The following TMED7 variants were observed in gnomAD, a reference collection of about 807,000 sequenced individuals.
The protein encoded by TMED7 is transmembrane p24 trafficking protein 7, also known as transmembrane emp24 domain-containing protein 7.
In TMED7, 8 loss-of-function variants were observed where a neutral mutation model predicts 23.4. The observed-to-expected ratio is 0.34, with a 90% CI of 0.20 to 0.62. The LOEUF (loss-of-function observed/expected upper bound fraction) is 0.62, where lower values mean the gene tolerates loss of function less well. Ranked by LOEUF, TMED7 falls within the 20% of genes least tolerant of loss-of-function variation. The pLI is 0.77. For missense variants in TMED7, 232 were observed against 279.1 expected, an observed-to-expected ratio of 0.83 and a Z score of 1.20; for synonymous variants, 121 against 108.5, an observed-to-expected ratio of 1.12 and a Z score of -0.72.
intron 1 of TMED7, among the ~76,000 whole-genome samples, chr5:115,622,175 T>A (rs1168745673): frequency 1.3e-5 from 2 of 152,212 alleles, no homozygotes; most frequent in Non-Finnish European, 2.9e-5. Flanking sequence ...GTATTCTGAA[T>A]AATCAAACAC....
intron 1 of TMED7, among the ~76,000 whole-genome samples, chr5:115,621,844 T>C (rs1288205288): frequency 6.6e-6 from 1 of 152,196 alleles, no homozygotes; most frequent in Non-Finnish European, 1.5e-5. Context: ...TTTTCAACCT[T>C]GAACTCTCTT....
chr5:115,619,675 G>A (rs1205054402), intron 2 of TMED7, among the ~76,000 whole-genome samples: 1 of 151,984 alleles, frequency 6.6e-6, no homozygotes, highest in Admixed American at 6.6e-5. Flanking sequence ...CAGCCTTAAG[G>A]CAACTGTATA....
rs1006013286 is a variant in TMED7, at chr5:115,614,965, A to G, written c.*1244T>C. The G allele has an allele frequency of 3.3e-5, 5 of 152,076 alleles. No individual in the cohort carries two copies. The South Asian group carries it at 1.0e-3, about 31-fold the overall frequency. The allele number at this position is 152,076 out of a possible 1,614,324, so 9.4% of individuals were successfully genotyped here. A position where few individuals can be genotyped will look rare whatever the true frequency, so the allele number is the denominator to read the frequency against. On this transcript the variant is annotated 3_prime_UTR_variant, in exon 3 of 3. Transcript: ENST00000456936. ...CAGCAGAAAAGCTTTAAATATCTAT[A>G]TAATTTTGAATCATCTTGTATTCTA...
chr5:115,618,067 C>T (rs1388590673), intron 2 of TMED7, among the ~76,000 whole-genome samples: 1 of 152,240 alleles, frequency 6.6e-6, no homozygotes, highest in East Asian at 1.9e-4. Context: ...GCTGGGATTA[C>T]AGGCGTAAGC....
chr5:115,625,476 C>G (rs947994812), intron 1 of TMED7, 125 bp downstream of exon 1: 1 of 1,193,302 alleles, frequency 8.4e-7, no homozygotes, highest in Non-Finnish European at 1.1e-6. Context: ...CATCAGCTAC[C>G]TAGAAGCGAT....
chr5:115,619,521 C>G (rs1756940725), intron 2 of TMED7, among the ~76,000 whole-genome samples: 1 of 152,022 alleles, frequency 6.6e-6, no homozygotes, highest in South Asian at 2.1e-4. Flanking sequence ...ATCCCTTATC[C>G]AAAATGTTTG....
intron 1 of TMED7, 80 bp from the exon 2 acceptor site, chr5:115,620,760 G>A (rs1757001469): frequency 7.7e-7 from 1 of 1,304,244 alleles, no homozygotes; most frequent in African/African-American, 1.5e-5. Flanking sequence ...CTATTAAAAT[G>A]GCAATAAGGT....
Position 115,616,244 on chromosome 5 carries a change from C to A in TMED7, c.640G>T (p.Asp214Tyr). Reference protein sequence around the residue: ...QVFLLKSFFSDKRTTTTRVGS With the variant: ...QVFLLKSFFSYKRTTTTRVGS ...ACACGAGTTGTGGTGGTTCTTTTATCTGAGAAAAAGCTTTTCAAAAGAAAT... is the reference window on the plus strand; with the variant it reads ...ACACGAGTTGTGGTGGTTCTTTTATATGAGAAAAAGCTTTTCAAAAGAAAT... The change falls in exon 3 of 3, where the codon GAT becomes TAT. Residue 214 changes from aspartate to tyrosine, a missense_variant. Asp to Tyr is a radical substitution (Grantham distance 160, BLOSUM62 -3). Coordinates refer to ENST00000456936, the MANE Select transcript of TMED7 (RefSeq NM_181836.6). The A allele has an allele frequency of 6.2e-7, 1 of 1,614,090 alleles. No homozygotes were observed. The highest frequency in any genetic ancestry group is 8.5e-7 in the Non-Finnish European group (1 of 1,179,954).
In TMED7 at chr5:115,625,734, C is replaced by T; in HGVS notation, c.59G>A (p.Arg20Lys). 1.3e-6 allele frequency: 2 copies of T among 1,576,556 alleles called. No individual in the cohort carries two copies. Among genetic ancestry groups the T allele is most frequent in the Non-Finnish European group, 1.7e-6 (2 of 1,164,012 alleles). Residue 20 changes from arginine to lysine, a missense_variant, in exon 1 of 3, where the codon AGG becomes AAG. Arg to Lys is a conservative substitution (Grantham distance 26, BLOSUM62 2). Around this residue, in one of 2 missense-constraint regions of TMED7, gnomAD observed 106 missense variants for 97.0 expected, o/e 1.09. Transcript: ENST00000456936. ...CACCAGTAGCAGCAGTGCGAGCAGC[C>T]TGCACCCCCAACGGCCCGCGACGGC... ...WAAVAGRWGC[R>K]LLALLLLVPG... is the part of the protein sequence containing the mutation.
chr5:115,625,766 G>A lies in TMED7; in HGVS notation c.27C>T (p.Arg9=). MPRPGSAQ[R]WAAVAGRWGC... is the part of the protein sequence containing the mutation. The stretch of plus-strand genomic sequence containing the variant: ...CCCAACGGCCCGCGACGGCCGCCCA[G>A]CGCTGCGCGGACCCCGGCCGCGGCA... Residue 9 remains arginine, a synonymous_variant, in exon 1 of 3, where the codon CGC becomes CGT. Transcript: ENST00000456936. 1.3e-6 allele frequency: 2 copies of A among 1,491,292 alleles called. No homozygotes were observed. Among genetic ancestry groups the A allele is most frequent in the East Asian group, 2.8e-5 (1 of 36,272 alleles). The allele number at this position is 1,491,292 out of a possible 1,614,324, so 92.4% of individuals were successfully genotyped here. A position where few individuals can be genotyped will look rare whatever the true frequency, so the allele number is the denominator to read the frequency against.
intron 1 of TMED7, among the ~76,000 whole-genome samples, chr5:115,622,235 TC>T (rs772268330): frequency 3.3e-5 from 5 of 152,172 alleles, no homozygotes; most frequent in Non-Finnish European, 5.9e-5. Flanking sequence ...CCACTTCTCT[TC>T]CATCAAACTT....
At chr5:115,616,682 T>C (rs1756770053) in intron 2 of TMED7, 1 of 564,938 alleles carries the variant, frequency 1.8e-6, no homozygotes, top group Admixed American at 3.1e-5. Flanking sequence ...CCAACTGAGA[T>C]GTCACAGCCA....
Position 115,615,069 on chromosome 5 carries a change from C to T in TMED7, c.*1140G>A, listed in dbSNP as rs756276200. Reference sequence around the variant, plus strand: ...TATAAGATGCAACACAATGTAAACCCTATAGTCTACAGAATATGCACTATT... The same window carrying T: ...TATAAGATGCAACACAATGTAAACCTTATAGTCTACAGAATATGCACTATT... On this transcript the variant is annotated 3_prime_UTR_variant, in exon 3 of 3. Transcript: ENST00000456936. 1.3e-5 allele frequency: 2 copies of T among 152,022 alleles called. No individual in the cohort carries two copies. The highest frequency in any genetic ancestry group is 1.5e-5 in the Non-Finnish European group (1 of 67,952). The allele number at this position is 152,022 out of a possible 1,614,324, so 9.4% of individuals were successfully genotyped here.
At chr5:115,618,495 GTTTTTCCT>G (rs1245227383) in intron 2 of TMED7, among the ~76,000 whole-genome samples, 1 of 152,114 alleles carries the variant, frequency 6.6e-6, no homozygotes, top group East Asian at 1.9e-4. Flanking sequence ...TTTCTTCCTT[GTTTTTCCT>G]TTTTTCCTTG....
intron 2 of TMED7, 38 bp downstream of exon 2, chr5:115,620,397 A>G (rs1437008550): frequency 8.3e-6 from 12 of 1,453,528 alleles, no homozygotes; most frequent in Non-Finnish European, 1.1e-5. Context: ...TCCTCCTTTT[A>G]AATATACCAA....
intron 2 of TMED7, 161 bp from the exon 3 acceptor site, chr5:115,616,606 A>G (rs1443565536): frequency 8.6e-6 from 9 of 1,052,074 alleles, no homozygotes; most frequent in Non-Finnish European, 1.2e-5. Context: ...TTGCAATGAA[A>G]CCCCCCTGCT....
chr5:115,618,043 C>T (rs916014136), intron 2 of TMED7, among the ~76,000 whole-genome samples: 1 of 152,202 alleles, frequency 6.6e-6, no homozygotes, highest in Non-Finnish European at 1.5e-5. Flanking sequence ...CCGCCCGCCT[C>T]GGCCTCCCAA....
At chr5:115,620,011 T>C (rs924680593) in intron 2 of TMED7, 1 of 153,062 alleles carries the variant, frequency 6.5e-6, no homozygotes, top group African/African-American at 2.4e-5. Flanking sequence ...AGTAATGGTA[T>C]AAAGGCTATG....
At position 115,615,019 on chromosome 5, in the gene TMED7, TTCAATCAGC is replaced by T. The variant is rs1756646793; in HGVS notation, c.*1181_*1189del. 6.6e-6 allele frequency: 1 copy of T among 152,102 alleles called. No individual in the cohort carries two copies. The highest frequency in any genetic ancestry group is 2.4e-5 in the African/African-American group (1 of 41,442). 9.4% of individuals were successfully genotyped at this position (152,102 alleles called of 1,614,324 possible). ...GATAATACTTGGAACAAAATCTTAT[TTCAATCAGC>T]TCAATCTATACAAGTTATAAGATGC... On this transcript the variant is annotated 3_prime_UTR_variant, in exon 3 of 3. Transcript: ENST00000456936.
Sources: allele counts gnomAD v4.1 joint callset (sites outside exome capture counted in the v4.1 genomes callset), GRCh38; gene constraint gnomAD v4.1.1; regional missense constraint gnomAD v4.1.1; transcripts MANE v1.5; gene names NCBI Gene and HGNC (gene_info 2026-07-23, HGNC 2026-07-21).